SPG11: variants seen among roughly 807,000 people sequenced by gnomAD.
SPG11 encodes spatacsin.
SPG11 carries 222 observed loss-of-function variants against 274.0 expected under a neutral mutation model. The ratio of observed to expected loss-of-function variants is 0.81; its 90% CI spans 0.73 to 0.91. The LOEUF is 0.91. Among genes scored for constraint, SPG11 ranks in the 40% least tolerant of loss-of-function variants. The pLI is 0.00. For synonymous variants in SPG11, 1,144 were observed against 1,039.7 expected (o/e 1.10, Z -1.93); for missense variants, 3,114 against 2,872.7 (o/e 1.08, Z -1.92).
chr15:44,660,738 C>T (rs2085081176), intron 1 of SPG11, 122 bp from the exon 2 acceptor site: 9 of 880,628 alleles, frequency 1.0e-5, no homozygotes, highest in Non-Finnish European at 1.6e-5. Flanking sequence ...AGTCATTCTA[C>T]ACTTCAATCT....
At chr15:44,652,996 A>G (rs1414371181) in intron 4 of SPG11, among the ~76,000 whole-genome samples, 1 of 152,194 alleles carries the variant, frequency 6.6e-6, no homozygotes, top group East Asian at 1.9e-4. Context: ...CATAAGAACT[A>G]GAAGGTAAAG....
chr15:44,647,899 G>C (rs984586048), intron 7 of SPG11, among the ~76,000 whole-genome samples: 4 of 152,192 alleles, frequency 2.6e-5, no homozygotes, highest in South Asian at 2.1e-4. Flanking sequence ...GAATTTTATG[G>C]GTATGTGATT....
intron 20 of SPG11, 61 bp from the exon 21 acceptor site, chr15:44,600,693 G>T: frequency 6.5e-7 from 1 of 1,544,984 alleles, no homozygotes. Flanking sequence ...TTTCAGATTT[G>T]CACATGGAAC....
chr15:44,633,359 A>AAAAAAAAAAAAAAG (rs1567177921), intron 8 of SPG11, 146 bp downstream of exon 8: 1 of 356,520 alleles, frequency 2.8e-6, no homozygotes, highest in African/African-American at 2.3e-5. Flanking sequence ...AAAAAAAAAA[A>AAAAAAAAAAAAAAG]AAAGAAAGTT....
Position 44,570,555 on chromosome 15 carries a change from G to C in SPG11, c.6447C>G (p.His2149Gln). 1 of 1,614,174 alleles carries C rather than the reference G, an allele frequency of 6.2e-7. No individual in the cohort carries two copies. The highest frequency in any genetic ancestry group is 8.5e-7 in the Non-Finnish European group (1 of 1,180,024). Reference protein sequence around the residue: ...LQAAHMLTDNHLAPSEEYGLV... With the variant: ...LQAAHMLTDNQLAPSEEYGLV... ...GCCCATACTCCTCACTGGGGGCCAG[G>C]TGGTTATCTGTGAGCATGTGGGCGG... The change falls in exon 34 of 40, where the codon CAC (histidine) becomes CAG (glutamine). Residue 2149 changes from histidine (H) to glutamine (Q), a missense_variant. Coordinates refer to ENST00000261866, the MANE Select transcript of SPG11 (RefSeq NM_025137.4).
chr15:44,625,363 G>A (rs1388326401), intron 11 of SPG11, among the ~76,000 whole-genome samples: 2 of 152,118 alleles, frequency 1.3e-5, no homozygotes, highest in Non-Finnish European at 1.5e-5. Flanking sequence ...ATGTTGAATT[G>A]TAACCCCCAA....
intron 7 of SPG11, among the ~76,000 whole-genome samples, chr15:44,641,858 G>C (rs2084453712): frequency 7.0e-6 from 1 of 142,264 alleles, no homozygotes; most frequent in Non-Finnish European, 1.5e-5. Flanking sequence ...TTTCACCCTA[G>C]AGACGCTCTT....
At chr15:44,586,503 G>A (rs1012976727) in intron 28 of SPG11, among the ~76,000 whole-genome samples, 4 of 152,110 alleles carry the variant, frequency 2.6e-5, no homozygotes, top group South Asian at 4.2e-4. Context: ...TTAGCCAGGC[G>A]TGTGGTGGCA....
At chr15:44,609,655 T>A in intron 18 of SPG11, among the ~76,000 whole-genome samples, 1 of 151,762 alleles carries the variant, frequency 6.6e-6, no homozygotes, top group East Asian at 1.9e-4. Context: ...TGAAAACAAA[T>A]CTGGAGTATT....
intron 17 of SPG11, 109 bp from the exon 18 acceptor site, chr15:44,611,094 A>C: frequency 3.4e-6 from 1 of 291,862 alleles, no homozygotes; most frequent in Non-Finnish European, 5.8e-6. Context: ...TCCCCAGTAA[A>C]AAAAAAAAAA....
At chr15:44,642,302 T>C (rs1754523347) in intron 7 of SPG11, among the ~76,000 whole-genome samples, 1 of 147,536 alleles carries the variant, frequency 6.8e-6, no homozygotes, top group Non-Finnish European at 1.5e-5. Context: ...AAGGCAGAGG[T>C]TGCAGTAAGC....
Position 44,613,610 on chromosome 15 carries a change from C to T in SPG11, c.3039-74G>A, listed in dbSNP as rs140904199. ...GACAATTACAACCATTTTGCTCAGG[C>T]GATGATTAGCATTTAAAAAAAGAAT... On this transcript the variant is annotated intron_variant, in intron 16 of 39. Coordinates refer to ENST00000261866, the MANE Select transcript of SPG11 (RefSeq NM_025137.4). The T allele has an allele frequency of 3.2e-5, 29 of 898,008 alleles. No homozygotes were observed. In the African/African-American group the frequency reaches 3.3e-4, roughly 10 times the overall value. 55.6% of individuals were successfully genotyped at this position (898,008 alleles called of 1,614,324 possible). A position where few individuals can be genotyped will look rare whatever the true frequency, so the allele number is the denominator to read the frequency against.
chr15:44,575,857 T>C (rs2082524174), intron 30 of SPG11, among the ~76,000 whole-genome samples: 1 of 152,058 alleles, frequency 6.6e-6, no homozygotes, highest in Non-Finnish European at 1.5e-5. Flanking sequence ...AAAACGAAGC[T>C]CTTGGACGGG....
At chr15:44,586,979 C>A (rs1049911556) in intron 28 of SPG11, among the ~76,000 whole-genome samples, 3 of 152,208 alleles carry the variant, frequency 2.0e-5, no homozygotes, top group African/African-American at 7.2e-5. Context: ...AATTTATCTA[C>A]TTAACCCAGG....
At chr15:44,638,501 C>CT (rs1491492755) in intron 7 of SPG11, among the ~76,000 whole-genome samples, 1 of 45,588 alleles carries the variant, frequency 2.2e-5, no homozygotes, top group African/African-American at 6.4e-5. Flanking sequence ...AACCACAAAA[C>CT]CCCCCCCCCC....
intron 20 of SPG11, chr15:44,604,245 T>C (rs1174043958): frequency 2.7e-6 from 1 of 372,978 alleles, no homozygotes; most frequent in Non-Finnish European, 5.3e-6. Flanking sequence ...TCTGTCATCT[T>C]ACAAAGGTCT....
At chr15:44,618,714 G>A (rs895186499) in intron 15 of SPG11, among the ~76,000 whole-genome samples, 2 of 151,984 alleles carry the variant, frequency 1.3e-5, no homozygotes, top group African/African-American at 4.8e-5. Context: ...CAGCTACTCT[G>A]GAGGCTGAGG....
At chr15:44,567,287 G>A (rs1595819158) in intron 36 of SPG11, 137 bp downstream of exon 36, 1 of 873,296 alleles carries the variant, frequency 1.1e-6, no homozygotes, top group East Asian at 2.9e-5. Context: ...GGAGGCGGAG[G>A]TTGCAGGGAG....
intron 23 of SPG11, chr15:44,597,301 G>A (rs570992831): frequency 2.6e-5 from 7 of 274,290 alleles, no homozygotes; most frequent in East Asian, 1.9e-4. Flanking sequence ...TACTAAAGAC[G>A]GGGTTTCTCC....
Sources: allele counts gnomAD v4.1 joint callset (sites outside exome capture counted in the v4.1 genomes callset), GRCh38; gene constraint gnomAD v4.1.1; transcripts MANE v1.5; gene names NCBI Gene and HGNC (gene_info 2026-07-23, HGNC 2026-07-21).